The following SYNPO variants were observed in gnomAD, a reference collection of about 807,000 sequenced individuals.
The protein encoded by SYNPO is synaptopodin.
A neutral mutation model predicts 49.5 loss-of-function variants in SYNPO; 19 were observed. The ratio of observed to expected loss-of-function variants is 0.38; its 90% confidence interval spans 0.27 to 0.56. The LOEUF is 0.56. SYNPO is among the 20% of genes least tolerant of loss of function. SYNPO has a pLI of 0.68. For missense variants in SYNPO, 1,131 were observed against 1,248.3 expected, an observed-to-expected ratio of 0.91 and a Z score of 1.42; for synonymous variants, 536 against 548.0, an observed-to-expected ratio of 0.98 and a Z score of 0.31.
chr5:150,652,440 T>A (rs1408060925), intron 2 of SYNPO: 21 of 979,252 alleles, frequency 2.1e-5, no homozygotes, highest in Non-Finnish European at 2.4e-5. Context: ...TCAATTACTG[T>A]GTGTGAAAGT....
intron 1 of SYNPO, 45 bp downstream of exon 1, chr5:150,640,899 T>G: frequency 1.0e-6 from 1 of 952,456 alleles, no homozygotes; most frequent in Non-Finnish European, 1.3e-6. Flanking sequence ...GCTTGGGGTA[T>G]ATGACTTAGG....
intron 2 of SYNPO, among the ~76,000 whole-genome samples, chr5:150,626,461 G>A (rs1199926293): frequency 6.6e-6 from 1 of 152,168 alleles, no homozygotes; most frequent in Non-Finnish European, 1.5e-5. Flanking sequence ...TTACCACTCT[G>A]GCTTGCAGCC....
chr5:150,627,480 G>A (rs1757393769), intron 2 of SYNPO, among the ~76,000 whole-genome samples: 1 of 152,130 alleles, frequency 6.6e-6, no homozygotes, highest in South Asian at 2.1e-4. Flanking sequence ...TAGACACTGA[G>A]GTTGCAGTAG....
At chr5:150,615,622 C>T (rs1033724830) in intron 1 of SYNPO, among the ~76,000 whole-genome samples, 2 of 152,258 alleles carry the variant, frequency 1.3e-5, no homozygotes, top group African/African-American at 4.8e-5. Context: ...GCACCTGCCC[C>T]AGTTCACAGT....
intron 1 of SYNPO, among the ~76,000 whole-genome samples, chr5:150,616,593 G>C (rs559485310): frequency 6.6e-6 from 1 of 152,078 alleles, no homozygotes; most frequent in Non-Finnish European, 1.5e-5. Context: ...CTGTTCTCTA[G>C]ACCCCTATGT....
upstream of SYNPO, among the ~76,000 whole-genome samples, chr5:150,597,661 CAG>C (rs201608068): frequency 7.6e-3 from 1,150 of 151,878 alleles, 21 homozygotes; most frequent in African/African-American, 0.026. Context: ...GTTTTTGAGA[CAG>C]AGTCTCGCTG....
chr5:150,618,306 G>C (rs1012940305), exon 2 of SYNPO: 3 of 1,496,330 alleles, frequency 2.0e-6, no homozygotes, highest in Non-Finnish European at 2.7e-6. Context: ...GCTGGCCCCA[G>C]CCCAGGCCCT....
chr5:150,605,835 T>C (rs910188008), intron 1 of SYNPO, among the ~76,000 whole-genome samples: 2 of 150,150 alleles, frequency 1.3e-5, no homozygotes, highest in Admixed American at 1.3e-4. Flanking sequence ...CACATAAATA[T>C]AGGCACAAAC....
chr5:150,604,559 A>T (rs1756638762), intron 1 of SYNPO, among the ~76,000 whole-genome samples: 1 of 152,188 alleles, frequency 6.6e-6, no homozygotes, highest in Admixed American at 6.5e-5. Context: ...GGCAATGTTA[A>T]CTTTAGGCGA....
the SYNPO span, among the ~76,000 whole-genome samples, chr5:150,591,033 G>A: frequency 6.6e-6 from 1 of 152,276 alleles, no homozygotes; most frequent in African/African-American, 2.4e-5. Context: ...GTTAGAGGGG[G>A]TGGGGAACAG....
the SYNPO span, among the ~76,000 whole-genome samples, chr5:150,595,844 T>G: frequency 8.3e-6 from 1 of 120,406 alleles, no homozygotes; most frequent in Non-Finnish European, 1.7e-5. Flanking sequence ...CAAGTTCTCA[T>G]GCCCCCCACC....
chr5:150,596,603 C>T (rs775362039), upstream of SYNPO, among the ~76,000 whole-genome samples: 8 of 152,124 alleles, frequency 5.3e-5, no homozygotes, highest in Admixed American at 2.0e-4. Flanking sequence ...CTGATCAGGA[C>T]GGCTCATGTG....
chr5:150,603,369 TG>T (rs954428772), intron 1 of SYNPO, among the ~76,000 whole-genome samples: 4 of 152,156 alleles, frequency 2.6e-5, no homozygotes, highest in Non-Finnish European at 5.9e-5. Context: ...GCAAGGGTTC[TG>T]GGGGGGCCCC....
rs769822112 is a variant in SYNPO, at chr5:150,649,863, C to T, written c.1588C>T (p.Arg530Ter). ...CCCCACTAACGCCCCCGGGGCCTTCCGAGTGGCATCCCGAAGCCCAGCCCG... is the reference window on the plus strand; with the variant it reads ...CCCCACTAACGCCCCCGGGGCCTTCTGAGTGGCATCCCGAAGCCCAGCCCG... ...KYPTNAPGAF[R>*]VASRSPARTP... Residue 530 changes from arginine (R) to a stop codon, truncating the protein, a stop_gained, in exon 2 of 3, where the codon CGA (arginine) becomes TGA (stop). Coordinates refer to ENST00000307662, the MANE Select transcript of SYNPO (RefSeq NM_007286.6). LOFTEE classifies it high-confidence loss of function. 1.2e-6 allele frequency: 2 copies of T among 1,609,020 alleles called. No individual in the cohort carries two copies. Among genetic ancestry groups the T allele is most frequent in the African/African-American group, 1.3e-5 (1 of 75,060 alleles).
the SYNPO span, among the ~76,000 whole-genome samples, chr5:150,587,793 C>A: frequency 2.7e-3 from 415 of 152,294 alleles, 2 homozygotes; most frequent in African/African-American, 7.6e-3. Context: ...TGTGAAACAG[C>A]CTCTGGAAAA....
At chr5:150,600,924 C>T (rs760807974), upstream of SYNPO, among the ~76,000 whole-genome samples, 5 of 152,180 alleles carry the variant, frequency 3.3e-5, no homozygotes, top group South Asian at 2.1e-4. Context: ...AAAATATAGA[C>T]GGCTAATGTC....
chr5:150,637,493 G>A (rs112598078), upstream of SYNPO, among the ~76,000 whole-genome samples: 2,719 of 152,316 alleles, frequency 0.018, 84 homozygotes, highest in African/African-American at 0.061. Flanking sequence ...CCCGGCCCCT[G>A]AGGAGTTTGC....
rs1375277276 is a variant in SYNPO at position 150,656,512 on chromosome 5, G to A, written c.2137G>A (p.Gly713Arg). The A allele has an allele frequency of 6.5e-7, 1 of 1,531,634 alleles. No individual in the cohort carries two copies. Among genetic ancestry groups the A allele is most frequent in the East Asian group, 2.5e-5 (1 of 40,570 alleles). 94.9% of individuals were successfully genotyped at this position (1,531,634 alleles called of 1,614,324 possible). ...VSPGPWEPGR[G>R]SSMSSPPPLP... ...CCCGGGCCCGTGGGAGCCAGGTCGCGGGAGCAGCATGAGCAGCCCCCCGCC... is the reference window on the plus strand; with the variant it reads ...CCCGGGCCCGTGGGAGCCAGGTCGCAGGAGCAGCATGAGCAGCCCCCCGCC... Residue 713 changes from glycine (G) to arginine (R), a missense_variant, in exon 3 of 3, where the codon GGG (glycine) becomes AGG (arginine). By Grantham distance (125) the Gly-to-Arg change is moderately radical. Transcript: ENST00000307662.
intron 2 of SYNPO, among the ~76,000 whole-genome samples, chr5:150,632,874 C>T (rs1043248064): frequency 6.6e-6 from 1 of 152,162 alleles, no homozygotes. Context: ...GAACACCGCC[C>T]TCCTAGCGTG....
Sources: allele counts gnomAD v4.1 joint callset (sites outside exome capture counted in the v4.1 genomes callset), GRCh38; gene constraint gnomAD v4.1.1; transcripts MANE v1.5; gene names NCBI Gene and HGNC (gene_info 2026-07-23, HGNC 2026-07-21).